Variants in KANK4 observed in about 807,000 individuals in gnomAD.
The protein encoded by KANK4 is KN motif and ankyrin repeat domains 4, also known as KN motif and ankyrin repeat domain-containing protein 4.
In KANK4, 50 loss-of-function variants were observed where a neutral mutation model predicts 80.8. The ratio of observed to expected loss-of-function variants is 0.62; its 90% confidence interval spans 0.49 to 0.78. The LOEUF (loss-of-function observed/expected upper bound fraction) is 0.78. Among genes scored for constraint, KANK4 ranks in the 30% least tolerant of loss-of-function variants. KANK4 has a pLI of 0.00. For missense variants in KANK4, 1,196 were observed against 1,240.1 expected, an observed-to-expected ratio of 0.96 and a Z score of 0.53; for synonymous variants, 465 against 506.9, an observed-to-expected ratio of 0.92 and a Z score of 1.11.
chr1:62,317,224 T>A (rs543320255), intron 1 of KANK4, among the ~76,000 whole-genome samples: 20 of 152,050 alleles, frequency 1.3e-4, no homozygotes, highest in Non-Finnish European at 2.8e-4. Context: ...TGTCAGCAAG[T>A]TCTTTCTAGT....
intron 2 of KANK4, among the ~76,000 whole-genome samples, chr1:62,275,293 A>G (rs1672283307): frequency 6.6e-6 from 1 of 152,140 alleles, no homozygotes; most frequent in Non-Finnish European, 1.5e-5. Flanking sequence ...TACTTAGCCA[A>G]TGTCTGCAAG....
chr1:62,275,901 A>G (rs1672302276), intron 2 of KANK4, among the ~76,000 whole-genome samples: 1 of 139,010 alleles, frequency 7.2e-6, no homozygotes, highest in African/African-American at 2.7e-5. Flanking sequence ...AGGAAGGGGA[A>G]GGGGAAGGGG....
chr1:62,271,603 A>G lies in KANK4; in HGVS notation c.1901-14T>C. On this transcript the variant is annotated splice_polypyrimidine_tract_variant and intron_variant, in intron 3 of 9. Coordinates refer to ENST00000371153, the MANE Select transcript of KANK4 (RefSeq NM_181712.5). ...ATGGGGAGATCTCTAGGCAGACACA[A>G]CATCACAGGTTAGAATGATCTTGGG... The G allele has an allele frequency of 6.4e-7, 1 of 1,562,790 alleles. No homozygotes were observed. Among genetic ancestry groups the G allele is most frequent in the Non-Finnish European group, 8.8e-7 (1 of 1,133,422 alleles).
Position 62,273,973 on chromosome 1 carries a change from G to C in KANK4, c.1131C>G (p.Ile377Met). 6.2e-7 allele frequency: 1 copy of C among 1,614,164 alleles called. No homozygotes were observed. Among genetic ancestry groups the C allele is most frequent in the Non-Finnish European group, 8.5e-7 (1 of 1,180,038 alleles). Residue 377 changes from isoleucine to methionine, a missense_variant, in exon 3 of 10, where the codon ATC (isoleucine) becomes ATG (methionine). Ile to Met is a conservative substitution (Grantham distance 10). Around this residue, in one of 3 missense-constraint regions of KANK4, gnomAD observed 1,154 missense variants for 1,179.6 expected, o/e 0.98. Transcript: ENST00000371153. Reference protein sequence around the residue: ...RTALQQQEEEIKAREQRIREL... With the variant: ...RTALQQQEEEMKAREQRIREL... Reference sequence around the variant, plus strand: ...CTCGAATTCTTTGCTCCCTAGCTTTGATTTCCTCTTCCTGCTGCTGGAGAG... The same window carrying C: ...CTCGAATTCTTTGCTCCCTAGCTTTCATTTCCTCTTCCTGCTGCTGGAGAG...
At chr1:62,304,788 G>C (rs115021846) in intron 1 of KANK4, among the ~76,000 whole-genome samples, 1 of 151,882 alleles carries the variant, frequency 6.6e-6, no homozygotes, top group Non-Finnish European at 1.5e-5. Context: ...CAGCGCGACC[G>C]GCATGGCTTG....
rs1462542817 is a variant in KANK4, at chr1:62,237,316, A to G, written c.*961T>C. 1 of 152,116 alleles carries G rather than the reference A, an allele frequency of 6.6e-6. No homozygotes were observed. Among genetic ancestry groups the G allele is most frequent in the African/African-American group, 2.4e-5 (1 of 41,422 alleles). The allele number at this position is 152,116 out of a possible 1,614,324, so 9.4% of individuals were successfully genotyped here. A position where few individuals can be genotyped will look rare whatever the true frequency, so the allele number is the denominator to read the frequency against. The stretch of plus-strand genomic sequence containing the variant: ...GCTCCTATTGCAGCCAGAAGTCCCA[A>G]AAAACCTCAGAACAGATATTTGCTT... On this transcript the variant is annotated 3_prime_UTR_variant, in exon 10 of 10. Transcript: ENST00000371153.
intron 8 of KANK4, among the ~76,000 whole-genome samples, chr1:62,250,847 C>A (rs1362343428): frequency 5.3e-5 from 8 of 152,172 alleles, no homozygotes; most frequent in African/African-American, 1.9e-4. Context: ...GGCTTCTGGC[C>A]GTCACTAGGG....
At chr1:62,262,332 G>A (rs1671905943) in intron 7 of KANK4, among the ~76,000 whole-genome samples, 1 of 152,174 alleles carries the variant, frequency 6.6e-6, no homozygotes. Flanking sequence ...ATGCTGTGAA[G>A]AACAAATGAG....
chr1:62,244,877 G>A (rs1671429076), intron 9 of KANK4, among the ~76,000 whole-genome samples: 1 of 152,170 alleles, frequency 6.6e-6, no homozygotes, highest in African/African-American at 2.4e-5. Flanking sequence ...TAAAGTCCAT[G>A]CTTCTAACAA....
rs141702470 is a variant in KANK4 at position 62,238,357 on chromosome 1, C to T, written c.2908G>A (p.Ala970Thr). The change falls in exon 10 of 10, where the codon GCT becomes ACT. Residue 970 changes from alanine to threonine, a missense_variant. This residue lies in a region of KANK4 where 1,154 missense variants were observed against 1,179.6 expected (regional missense o/e 0.98). Coordinates refer to ENST00000371153, the MANE Select transcript of KANK4 (RefSeq NM_181712.5). The stretch of plus-strand genomic sequence containing the variant: ...TCCATATGGGTGGGTGACTTCAGAG[C>T]GATGGACAAAGCTGTGCGGCCAGCC... ...DKAGRTALSIALKSPTHMEIA... is the reference protein window; with the variant it reads ...DKAGRTALSITLKSPTHMEIA... 1.4e-4 allele frequency: 232 copies of T among 1,613,820 alleles called. 1 individual carries two copies. The African/African-American group carries it at 2.6e-3, about 18-fold the overall frequency.
intron 1 of KANK4, among the ~76,000 whole-genome samples, chr1:62,315,288 TG>T (rs1644529901): frequency 6.6e-6 from 1 of 152,152 alleles, no homozygotes; most frequent in Non-Finnish European, 1.5e-5. Flanking sequence ...TAGCACAAAG[TG>T]GTTAGCCGTC....
rs752251164 is a variant in KANK4 at position 62,273,645 on chromosome 1, G to A, written c.1459C>T (p.Leu487Phe). The change falls in exon 3 of 10, where the codon CTT becomes TTT. Residue 487 changes from leucine to phenylalanine, a missense_variant. Around this residue, in one of 3 missense-constraint regions of KANK4, gnomAD observed 1,154 missense variants for 1,179.6 expected, o/e 0.98. Coordinates refer to ENST00000371153, the MANE Select transcript of KANK4 (RefSeq NM_181712.5). ...AGGAAGCTATGTACAGAGGAGGTAA[G>A]GACCTGCTCGGGTCCCTGTGGCAGT... ...LSLPQGPEQV[L>F]TSSVHSFLST... The A allele has an allele frequency of 1.2e-6, 2 of 1,614,172 alleles. No homozygotes were observed. Among genetic ancestry groups the A allele is most frequent in the Non-Finnish European group, 1.7e-6 (2 of 1,180,014 alleles).
intron 7 of KANK4, among the ~76,000 whole-genome samples, chr1:62,257,258 T>G (rs1557475688): frequency 6.6e-6 from 1 of 152,142 alleles, no homozygotes; most frequent in Non-Finnish European, 1.5e-5. Flanking sequence ...CGGCTCATTT[T>G]TGTATTTTTA....
At chr1:62,306,835 C>T (rs929252097) in intron 1 of KANK4, among the ~76,000 whole-genome samples, 4 of 152,194 alleles carry the variant, frequency 2.6e-5, no homozygotes, top group African/African-American at 9.7e-5. Flanking sequence ...TTCTTTTCCT[C>T]TCCTCCTTTT....
At chr1:62,243,762 A>G (rs1671401024) in intron 9 of KANK4, among the ~76,000 whole-genome samples, 1 of 152,180 alleles carries the variant, frequency 6.6e-6, no homozygotes, top group Non-Finnish European at 1.5e-5. Context: ...GTCCCCAGAC[A>G]TTGCCAAATC....
Position 62,292,398 on chromosome 1 carries a change from G to A in KANK4, c.-70-10764C>T, listed in dbSNP as rs540973602. ...CTGCACTCTAAGCCTCTCCTTCAAGGTTTTATGTCTGCCCTTACATGGTGC... is the reference window on the plus strand; with the variant it reads ...CTGCACTCTAAGCCTCTCCTTCAAGATTTTATGTCTGCCCTTACATGGTGC... On this transcript the variant is annotated intron_variant, in intron 1 of 9. Transcript: ENST00000371153. 5.9e-5 allele frequency among the ~76,000 whole-genome samples: 9 copies of A among 152,172 alleles called. No individual in the cohort carries two copies. The South Asian group carries it at 1.9e-3, about 32-fold the overall frequency.
chr1:62,280,915 A>G (rs1367797730), intron 2 of KANK4, among the ~76,000 whole-genome samples: 1 of 152,202 alleles, frequency 6.6e-6, no homozygotes, highest in Non-Finnish European at 1.5e-5. Context: ...CCAGTGGGTC[A>G]ACAGCAATAT....
At chr1:62,265,541 C>T (rs1671998580) in intron 6 of KANK4, among the ~76,000 whole-genome samples, 1 of 152,072 alleles carries the variant, frequency 6.6e-6, no homozygotes, top group African/African-American at 2.4e-5. Context: ...TGGCCCTGGC[C>T]CTACATATTG....
intron 1 of KANK4, among the ~76,000 whole-genome samples, chr1:62,291,001 C>T (rs1171912687): frequency 1.3e-5 from 2 of 152,098 alleles, no homozygotes; most frequent in Non-Finnish European, 1.5e-5. Flanking sequence ...CCGCCTGCCT[C>T]GGCCTCCCAG....
Sources: gnomAD v4.1 joint callset for allele counts (sites outside exome capture counted in the v4.1 genomes callset) on GRCh38, gnomAD v4.1.1 for gene constraint, gnomAD v4.1.1 regional missense constraint, MANE v1.5 for transcripts, NCBI Gene and HGNC (gene_info 2026-07-23, HGNC 2026-07-21) for gene names.